ABCA13: variants seen among roughly 807,000 people sequenced by gnomAD.
ABCA13 encodes the protein ATP binding cassette subfamily A member 13, also known as ATP-binding cassette sub-family A member 13.
In ABCA13, 476 loss-of-function variants were observed where a neutral mutation model predicts 478.7. The ratio of observed to expected loss-of-function variants is 0.99; its 90% CI spans 0.92 to 1.07. The LOEUF (loss-of-function observed/expected upper bound fraction) is 1.07. Ranked by LOEUF, ABCA13 falls within the 50% of genes least tolerant of loss-of-function variation. The pLI, the probability that ABCA13 is intolerant of heterozygous loss-of-function variation, is 0.00. For synonymous variants in ABCA13, 2,252 were observed against 2,158.9 expected, an observed-to-expected ratio of 1.04 and a Z score of -1.20; for missense variants, 6,060 against 5,910.6, an observed-to-expected ratio of 1.03 and a Z score of -0.83.
intron 55 of ABCA13, among the ~76,000 whole-genome samples, chr7:48,546,564 C>T (rs1019974341): frequency 5.5e-5 from 8 of 146,480 alleles, no homozygotes; most frequent in Admixed American, 2.8e-4. Context: ...GATATAAACT[C>T]TTAAGACAAA....
rs576693940 is a variant in ABCA13, at chr7:48,240,399, T to G, written c.1063-468T>G. Among the ~76,000 whole-genome samples the G allele has an allele frequency of 9.2e-5, 14 of 152,334 alleles. No individual in the cohort carries two copies. The South Asian group carries it at 2.1e-3, about 23-fold the overall frequency. On this transcript the variant is annotated intron_variant, in intron 9 of 61. Transcript: ENST00000435803. ...ATCAGGCTTGGGCAAGAATGATCTA[T>G]TTTTGTGTAATGTTGATGACAAACC...
chr7:48,642,391 T>A (rs1416498429), intron 59 of ABCA13, among the ~76,000 whole-genome samples: 1 of 152,182 alleles, frequency 6.6e-6, no homozygotes, highest in East Asian at 1.9e-4. Context: ...GTAAATGAGA[T>A]GAGTATGATT....
intron 48 of ABCA13, among the ~76,000 whole-genome samples, chr7:48,489,681 G>A (rs1172641505): frequency 6.6e-6 from 1 of 152,108 alleles, no homozygotes; most frequent in African/African-American, 2.4e-5. Flanking sequence ...ATATTATATG[G>A]AATACTGTAA....
chr7:48,272,707 TA>T lies in ABCA13; in HGVS notation c.3042del (p.Leu1014PhefsTer44). On this transcript the variant is annotated frameshift_variant, in exon 17 of 62. Transcript: ENST00000435803. LOFTEE classifies it high-confidence loss of function. ...FQNISKAFAF[L>X]FKTAEVLGGI... ...AACATCAGTAAAGCATTTGCATTTTTATTTAAGACAGCAGAGGTTCTTGGGG... is the reference window on the plus strand; with the variant it reads ...AACATCAGTAAAGCATTTGCATTTTTTTTAAGACAGCAGAGGTTCTTGGGG... 6.2e-7 allele frequency: 1 copy of T among 1,611,884 alleles called. No individual in the cohort carries two copies. The highest frequency in any genetic ancestry group is 8.5e-7 in the Non-Finnish European group (1 of 1,178,656).
At chr7:48,332,421 A>T (rs746407233) in intron 27 of ABCA13, among the ~76,000 whole-genome samples, 7 of 152,328 alleles carry the variant, frequency 4.6e-5, no homozygotes, top group South Asian at 2.1e-4. Flanking sequence ...ACCACTTCAA[A>T]CCAGGTATGG....
chr7:48,410,987 C>CTT, intron 40 of ABCA13, among the ~76,000 whole-genome samples: 1 of 82,314 alleles, frequency 1.2e-5, no homozygotes, highest in South Asian at 3.6e-4. Context: ...CTCTTTCTTT[C>CTT]TTTCTTTCTT....
At position 48,455,138 on chromosome 7, in the gene ABCA13, G is replaced by T. The variant is rs1449999129; in HGVS notation, c.12667G>T (p.Gly4223Trp). 6.4e-7 allele frequency: 1 copy of T among 1,572,976 alleles called. No individual in the cohort carries two copies. ...ARRLRRTLRA[G>W]KSTLADLLLP... ...GAGGCTCCGCCGCACGCTGCGCGCC[G>T]GGAAGAGCACCCTCGCCGACCTGCT... Residue 4223 changes from glycine to tryptophan, a missense_variant, in exon 43 of 62, where the codon GGG becomes TGG. Coordinates refer to ENST00000435803, the MANE Select transcript of ABCA13 (RefSeq NM_152701.5).
rs770332276 is a variant in ABCA13 at position 48,234,158 on chromosome 7, A to G, written c.897+7A>G. 3.1e-6 allele frequency: 5 copies of G among 1,613,744 alleles called. No individual in the cohort carries two copies. Among genetic ancestry groups the G allele is most frequent in the Admixed American group, 1.7e-5 (1 of 60,004 alleles). On this transcript the variant is annotated splice_region_variant and intron_variant, in intron 8 of 61. Coordinates refer to ENST00000435803, the MANE Select transcript of ABCA13 (RefSeq NM_152701.5). ...TTCAGCTGAACTGAAGGAGGTACAC[A>G]TGCTTGACTGCTTCTCACACCGCTG...
intron 31 of ABCA13, among the ~76,000 whole-genome samples, chr7:48,352,887 G>A (rs558250021): frequency 6.6e-6 from 1 of 152,084 alleles, no homozygotes; most frequent in Non-Finnish European, 1.5e-5. Context: ...ACTGGACAGG[G>A]TGGTGAAGGA....
intron 27 of ABCA13, among the ~76,000 whole-genome samples, chr7:48,334,026 C>T (rs1254823787): frequency 6.6e-6 from 1 of 152,164 alleles, no homozygotes; most frequent in East Asian, 1.9e-4. Flanking sequence ...GTTGGAAGGA[C>T]TCCTGGTCCC....
intron 42 of ABCA13, among the ~76,000 whole-genome samples, chr7:48,429,907 C>T (rs572308415): frequency 6.6e-6 from 1 of 152,172 alleles, no homozygotes; most frequent in African/African-American, 2.4e-5. Flanking sequence ...ACAAATTCTA[C>T]CCGGTCATGT....
chr7:48,290,937 A>AG (rs374483104), intron 20 of ABCA13, among the ~76,000 whole-genome samples: 1 of 66,762 alleles, frequency 1.5e-5, no homozygotes, highest in East Asian at 3.2e-4. Flanking sequence ...CTTCACACTC[A>AG]GGGAAAAAAA....
At chr7:48,552,047 T>C (rs1785375071) in intron 55 of ABCA13, among the ~76,000 whole-genome samples, 1 of 151,896 alleles carries the variant, frequency 6.6e-6, no homozygotes, top group Non-Finnish European at 1.5e-5. Context: ...CATCAAGGCT[T>C]AGTAGTATTT....
At chr7:48,462,036 A>C (rs1826299925) in intron 43 of ABCA13, among the ~76,000 whole-genome samples, 1 of 152,034 alleles carries the variant, frequency 6.6e-6, no homozygotes, top group South Asian at 2.1e-4. Flanking sequence ...TAGGGGTGTC[A>C]AAGAAGGTTT....
At chr7:48,448,647 G>GT (rs772022785) in intron 42 of ABCA13, among the ~76,000 whole-genome samples, 17 of 151,890 alleles carry the variant, frequency 1.1e-4, no homozygotes, top group Admixed American at 1.3e-4. Context: ...CCTATATTGT[G>GT]TTTTTTTAAG....
At chr7:48,384,855 C>T (rs1585101089) in intron 35 of ABCA13, among the ~76,000 whole-genome samples, 2 of 152,308 alleles carry the variant, frequency 1.3e-5, no homozygotes, top group East Asian at 3.9e-4. Context: ...AGGCCACTCT[C>T]CTTGGCTTGC....
At chr7:48,191,269 T>C (rs1797069995) in intron 1 of ABCA13, among the ~76,000 whole-genome samples, 1 of 152,234 alleles carries the variant, frequency 6.6e-6, no homozygotes, top group African/African-American at 2.4e-5. Context: ...CAGAGGGTGA[T>C]CTGCAGGCAT....
intron 55 of ABCA13, among the ~76,000 whole-genome samples, chr7:48,551,335 A>C (rs931191532): frequency 1.5e-4 from 23 of 151,888 alleles, no homozygotes; most frequent in Admixed American, 2.6e-4. Context: ...ATGTACATTT[A>C]AACTTCATCT....
chr7:48,173,145 C>T (rs1387311159), intron 1 of ABCA13, among the ~76,000 whole-genome samples: 1 of 152,234 alleles, frequency 6.6e-6, no homozygotes, highest in East Asian at 1.9e-4. Context: ...CTAAGGCAAA[C>T]ATCCTCATCA....
Sources: gnomAD v4.1 joint callset for allele counts (sites outside exome capture counted in the v4.1 genomes callset) on GRCh38, gnomAD v4.1.1 for gene constraint, MANE v1.5 for transcripts, NCBI Gene and HGNC (gene_info 2026-07-23, HGNC 2026-07-21) for gene names.